The following MYO1D variants were observed in gnomAD, a reference collection of about 807,000 sequenced individuals.
MYO1D encodes the protein unconventional myosin-Id.
Under a neutral mutation model 122.0 loss-of-function variants are expected in MYO1D, and 83 were observed. The observed-to-expected ratio is 0.68, with a 90% CI of 0.57 to 0.82. The LOEUF is 0.82. MYO1D is among the 40% of genes least tolerant of loss of function. The pLI, the probability that MYO1D is intolerant of heterozygous loss-of-function variation, is 0.00. For synonymous variants in MYO1D, 464 were observed against 446.9 expected, an observed-to-expected ratio of 1.04 and a Z score of -0.48; for missense variants, 1,157 against 1,269.5, an observed-to-expected ratio of 0.91 and a Z score of 1.35.
chr17:32,654,398 C>T, intron 18 of MYO1D, 79 bp downstream of exon 18: 2 of 1,455,332 alleles, frequency 1.4e-6, no homozygotes, highest in Non-Finnish European at 1.9e-6. Context: ...ATCCTTTCTG[C>T]AAATTCTTTG....
chr17:32,764,070 G>T (rs1405477422), intron 8 of MYO1D, among the ~76,000 whole-genome samples: 1 of 152,230 alleles, frequency 6.6e-6, no homozygotes. Context: ...AGTAAAGTGG[G>T]TGACTTAAGA....
chr17:32,723,694 A>G (rs1418286332), intron 14 of MYO1D, among the ~76,000 whole-genome samples: 1 of 152,158 alleles, frequency 6.6e-6, no homozygotes, highest in Non-Finnish European at 1.5e-5. Context: ...TAAAGACTAC[A>G]TGAAGAAAAG....
intron 16 of MYO1D, among the ~76,000 whole-genome samples, chr17:32,689,048 A>G (rs1306267269): frequency 6.6e-6 from 1 of 152,090 alleles, no homozygotes; most frequent in Non-Finnish European, 1.5e-5. Context: ...TTTGGTGGTG[A>G]GATGATGGGT....
At chr17:32,607,073 T>C (rs2087637112) in intron 20 of MYO1D, among the ~76,000 whole-genome samples, 1 of 152,070 alleles carries the variant, frequency 6.6e-6, no homozygotes, top group Non-Finnish European at 1.5e-5. Context: ...GGCAGGAGAA[T>C]CGTGTGAACC....
At chr17:32,695,905 T>C (rs1433558175) in intron 16 of MYO1D, among the ~76,000 whole-genome samples, 1 of 152,236 alleles carries the variant, frequency 6.6e-6, no homozygotes, top group Non-Finnish European at 1.5e-5. Flanking sequence ...CAAAGTGTGG[T>C]TGGGGAACCC....
intron 1 of MYO1D, chr17:32,862,846 G>A (rs1293529966): frequency 6.6e-6 from 1 of 152,214 alleles, no homozygotes; most frequent in Non-Finnish European, 1.5e-5. Context: ...CACAACTGTG[G>A]AGTGAAAAAC....
At chr17:32,773,048 C>T (rs1417897451) in intron 4 of MYO1D, among the ~76,000 whole-genome samples, 2 of 152,196 alleles carry the variant, frequency 1.3e-5, no homozygotes, top group Non-Finnish European at 2.9e-5. Context: ...TGACTTGGAT[C>T]GGGGGAGCTC....
chr17:32,678,304 T>C (rs554413360), intron 16 of MYO1D, among the ~76,000 whole-genome samples: 1 of 151,976 alleles, frequency 6.6e-6, no homozygotes, highest in South Asian at 2.1e-4. Flanking sequence ...CATGTGCACA[T>C]TGTGCAGGTT....
chr17:32,692,130 G>C (rs749773784), intron 16 of MYO1D, among the ~76,000 whole-genome samples: 4 of 152,166 alleles, frequency 2.6e-5, no homozygotes, highest in Admixed American at 2.6e-4. Context: ...CTCGTTAATA[G>C]AAACTGAATG....
At chr17:32,725,803 C>T (rs562587677) in intron 14 of MYO1D, among the ~76,000 whole-genome samples, 1 of 152,046 alleles carries the variant, frequency 6.6e-6, no homozygotes, top group Non-Finnish European at 1.5e-5. Context: ...AAAAAATCTA[C>T]ACCTAAGCAC....
chr17:32,502,876 G>A (rs113878943), intron 21 of MYO1D, among the ~76,000 whole-genome samples: 2,824 of 152,282 alleles, frequency 0.019, 50 homozygotes, highest in Non-Finnish European at 0.027. Flanking sequence ...CTGAGGGTGC[G>A]CCAAGCCAAA....
chr17:32,654,694 TTC>T, intron 17 of MYO1D, 73 bp from the exon 18 acceptor site: 21 of 1,398,120 alleles, frequency 1.5e-5, no homozygotes, highest in Non-Finnish European at 1.5e-5. Flanking sequence ...CTTTTTTTTT[TTC>T]TTTTTTGAGT....
intron 1 of MYO1D, among the ~76,000 whole-genome samples, chr17:32,860,702 A>C (rs2091064388): frequency 6.6e-6 from 1 of 152,220 alleles, no homozygotes; most frequent in Non-Finnish European, 1.5e-5. Context: ...ACCGAATAAT[A>C]AACACAAAGC....
intron 16 of MYO1D, among the ~76,000 whole-genome samples, chr17:32,687,139 G>A (rs570909241): frequency 1.5e-3 from 232 of 150,172 alleles, no homozygotes; most frequent in Non-Finnish European, 1.9e-3. Flanking sequence ...CCCCCCGCCC[G>A]CACCCCAGCC....
intron 21 of MYO1D, among the ~76,000 whole-genome samples, chr17:32,540,338 A>AAT: frequency 6.6e-6 from 1 of 151,168 alleles, no homozygotes; most frequent in African/African-American, 2.4e-5. Flanking sequence ...AAAAAAAAAA[A>AAT]AAAAAAAAAG....
At chr17:32,680,903 C>G (rs1437460028) in intron 16 of MYO1D, among the ~76,000 whole-genome samples, 2 of 152,110 alleles carry the variant, frequency 1.3e-5, no homozygotes, top group Non-Finnish European at 2.9e-5. Flanking sequence ...GGTTGGTAAA[C>G]TATTGATTAT....
chr17:32,865,859 C>G (rs1046563062), intron 1 of MYO1D, among the ~76,000 whole-genome samples: 2 of 152,196 alleles, frequency 1.3e-5, no homozygotes, highest in Non-Finnish European at 2.9e-5. Context: ...GAGGAACTAG[C>G]AGATGTTCTT....
At chr17:32,808,876 C>G (rs1014673883) in intron 1 of MYO1D, among the ~76,000 whole-genome samples, 18 of 152,112 alleles carry the variant, frequency 1.2e-4, no homozygotes, top group South Asian at 2.1e-4. Flanking sequence ...TATAAGCTAC[C>G]TACTTTATGA....
chr17:32,512,666 G>A (rs1909735968), intron 21 of MYO1D, among the ~76,000 whole-genome samples: 1 of 152,240 alleles, frequency 6.6e-6, no homozygotes, highest in Non-Finnish European at 1.5e-5. Context: ...AGATAGGGAT[G>A]AAGACAGAGC....
Sources: allele counts gnomAD v4.1 joint callset (sites outside exome capture counted in the v4.1 genomes callset), GRCh38; gene constraint gnomAD v4.1.1; transcripts MANE v1.5; gene names NCBI Gene and HGNC (gene_info 2026-07-23, HGNC 2026-07-21).